CHST8: variants seen among roughly 807,000 people sequenced by gnomAD.
CHST8 encodes the protein GALNAC-4-ST1.
Under a neutral mutation model 15.0 loss-of-function variants are expected in CHST8, and 10 were observed. The ratio of observed to expected loss-of-function variants is 0.67; its 90% CI spans 0.41 to 1.13. The LOEUF (loss-of-function observed/expected upper bound fraction) is 1.13, where lower values mean the gene tolerates loss of function less well. Ranked by LOEUF, CHST8 falls within the 50% of genes most tolerant of loss-of-function variation. The probability of loss-of-function intolerance (pLI) is 0.00; values close to 1 mark genes in which losing one functional copy is unlikely to be tolerated. For missense variants in CHST8, 634 were observed against 608.2 expected (o/e 1.04, Z -0.45); for synonymous variants, 259 against 256.6 (o/e 1.01, Z -0.09).
intron 3 of CHST8, among the ~76,000 whole-genome samples, chr19:33,703,674 C>A (rs1973388668): frequency 6.6e-6 from 1 of 152,214 alleles, no homozygotes; most frequent in African/African-American, 2.4e-5. Flanking sequence ...CTGCAGATCC[C>A]CCTCTCCTTC....
intron 3 of CHST8, among the ~76,000 whole-genome samples, chr19:33,739,748 T>G (rs1974152004): frequency 6.6e-6 from 1 of 152,178 alleles, no homozygotes; most frequent in African/African-American, 2.4e-5. Context: ...TCTCTTCTAA[T>G]AGTCCCTGAA....
chr19:33,712,905 T>A (rs1348466626), intron 3 of CHST8, among the ~76,000 whole-genome samples: 1 of 152,156 alleles, frequency 6.6e-6, no homozygotes, highest in Non-Finnish European at 1.5e-5. Context: ...CATCTGTCCA[T>A]CTTCACTTTC....
At position 33,771,338 on chromosome 19, in the gene CHST8, G is replaced by A. The variant is rs1974978703; in HGVS notation, c.131-75G>A. ...CCTCCAGCCTGGATGTCCACAGCCA[G>A]CAGCCCATAAGCAGTTCCCTGGGAG... is the stretch of plus-strand genomic sequence containing the variant. On this transcript the variant is annotated intron_variant, in intron 3 of 4. Coordinates refer to ENST00000650847, the MANE Select transcript of CHST8 (RefSeq NM_001127895.2). 6.2e-6 allele frequency: 9 copies of A among 1,446,998 alleles called. No individual in the cohort carries two copies. In the Admixed American group the frequency reaches 1.5e-4, roughly 24 times the overall value. The allele number at this position is 1,446,998 out of a possible 1,614,324, so 89.6% of individuals were successfully genotyped here.
At chr19:33,684,295 A>G (rs1972937209) in intron 2 of CHST8, among the ~76,000 whole-genome samples, 1 of 151,978 alleles carries the variant, frequency 6.6e-6, no homozygotes, top group South Asian at 2.1e-4. Context: ...GCCTTGTAAC[A>G]GGGCAGCGGA....
At chr19:33,669,570 C>G (rs1019049634) in intron 2 of CHST8, among the ~76,000 whole-genome samples, 2 of 152,194 alleles carry the variant, frequency 1.3e-5, no homozygotes, top group African/African-American at 2.4e-5. Context: ...AGCACCTCGT[C>G]AGGATCCAAA....
At position 33,689,336 on chromosome 19, in the gene CHST8, C is replaced by T. The variant is rs772073198; in HGVS notation, c.75C>T (p.Leu25=). The change falls in exon 3 of 5, where the codon CTC becomes CTT. Residue 25 remains leucine (L), a synonymous_variant. Coordinates refer to ENST00000650847, the MANE Select transcript of CHST8 (RefSeq NM_001127895.2). Reference sequence around the variant, plus strand: ...TCCTGCTGTTCGGAGCTGCAGGCCTCCTCCTCTTCATCAGCCTGCAGGACC... The same window carrying T: ...TCCTGCTGTTCGGAGCTGCAGGCCTTCTCCTCTTCATCAGCCTGCAGGACC... The part of the protein sequence containing the change: ...SSILLFGAAG[L]LLFISLQDPT... 2 of 1,609,664 alleles carry T rather than the reference C, an allele frequency of 1.2e-6. No homozygotes were observed. Among genetic ancestry groups the T allele is most frequent in the African/African-American group, 1.3e-5 (1 of 74,816 alleles).
At chr19:33,729,303 G>T (rs56754330) in intron 3 of CHST8, among the ~76,000 whole-genome samples, 19 of 152,354 alleles carry the variant, frequency 1.2e-4, no homozygotes, top group African/African-American at 4.6e-4. Flanking sequence ...GTCCGTCTCA[G>T]GCTGTTGGCC....
At chr19:33,654,865 A>C (rs1972491164) in intron 1 of CHST8, among the ~76,000 whole-genome samples, 1 of 152,176 alleles carries the variant, frequency 6.6e-6, no homozygotes, top group South Asian at 2.1e-4. Context: ...AGGGTCTGCC[A>C]TCTGTGTTCA....
At chr19:33,647,614 G>A (rs1972370514) in intron 1 of CHST8, among the ~76,000 whole-genome samples, 1 of 152,180 alleles carries the variant, frequency 6.6e-6, no homozygotes, top group South Asian at 2.1e-4. Context: ...GGGAGGCGGA[G>A]GCGGGTGGAT....
chr19:33,691,585 C>T (rs1973099907), intron 3 of CHST8, among the ~76,000 whole-genome samples: 1 of 440 alleles, frequency 2.3e-3, no homozygotes, highest in Non-Finnish European at 4.7e-3. Flanking sequence ...TTTTCCACAA[C>T]ATTAGTTACA....
chr19:33,696,422 A>G (rs1379086760), intron 3 of CHST8, among the ~76,000 whole-genome samples: 1 of 152,096 alleles, frequency 6.6e-6, no homozygotes, highest in African/African-American at 2.4e-5. Context: ...CGGTGGCCAC[A>G]TTAGAGTCCA....
intron 3 of CHST8, among the ~76,000 whole-genome samples, chr19:33,752,154 C>T (rs945760327): frequency 1.2e-4 from 18 of 152,202 alleles, no homozygotes; most frequent in Admixed American, 5.2e-4. Context: ...TGCCTGAGCC[C>T]GGGAGCCCTG....
intron 1 of CHST8, among the ~76,000 whole-genome samples, chr19:33,664,288 A>G: frequency 6.6e-6 from 1 of 151,676 alleles, no homozygotes; most frequent in Non-Finnish European, 1.5e-5. Context: ...TTATTTATTT[A>G]TTTATTATTA....
At chr19:33,701,048 A>G (rs752309460) in intron 3 of CHST8, among the ~76,000 whole-genome samples, 22 of 152,064 alleles carry the variant, frequency 1.4e-4, no homozygotes, top group Non-Finnish European at 2.9e-4. Flanking sequence ...TGGGACCATC[A>G]TTGAATTCTG....
intron 1 of CHST8, among the ~76,000 whole-genome samples, chr19:33,653,293 C>A (rs1021730035): frequency 2.6e-5 from 4 of 152,116 alleles, no homozygotes; most frequent in African/African-American, 9.7e-5. Context: ...CTCTCTGAAG[C>A]CTTATTCATT....
chr19:33,727,117 G>A (rs918377544), intron 3 of CHST8, among the ~76,000 whole-genome samples: 4 of 151,626 alleles, frequency 2.6e-5, no homozygotes, highest in African/African-American at 7.3e-5. Context: ...TTCTGGCCAC[G>A]CGTCCTGCTC....
chr19:33,640,961 C>A (rs1972276112), intron 1 of CHST8, among the ~76,000 whole-genome samples: 1 of 152,168 alleles, frequency 6.6e-6, no homozygotes, highest in Non-Finnish European at 1.5e-5. Flanking sequence ...CAAAGTCACA[C>A]CCCATCCCAC....
rs562708487 is a variant in CHST8, at chr19:33,650,278, A to G, written c.-163-17489A>G. ...GATTTCTCTGGGTTCCTCTTGGCCA[A>G]GAGGGGGACTGTTTATTCAGTTGGG... On this transcript the variant is annotated intron_variant, in intron 1 of 4. Coordinates refer to ENST00000650847, the MANE Select transcript of CHST8 (RefSeq NM_001127895.2). Among the ~76,000 whole-genome samples, 22 of 152,168 alleles carry G rather than the reference A, an allele frequency of 1.4e-4. No individual in the cohort carries two copies. In the East Asian group the frequency reaches 4.1e-3, roughly 28 times the overall value.
At chr19:33,741,069 T>C (rs1038295594) in intron 3 of CHST8, among the ~76,000 whole-genome samples, 11 of 152,234 alleles carry the variant, frequency 7.2e-5, no homozygotes, top group African/African-American at 2.4e-4. Flanking sequence ...GAACTGTTTG[T>C]GGTGTCAGCC....
Sources: gnomAD v4.1 joint callset for allele counts (sites outside exome capture counted in the v4.1 genomes callset) on GRCh38, gnomAD v4.1.1 for gene constraint, MANE v1.5 for transcripts, NCBI Gene and HGNC (gene_info 2026-07-23, HGNC 2026-07-21) for gene names.